HADHA: variants seen among roughly 807,000 people sequenced by gnomAD.
HADHA encodes trifunctional enzyme subunit alpha, mitochondrial.
A neutral mutation model predicts 91.3 loss-of-function variants in HADHA; 59 were observed. The observed-to-expected ratio is 0.65, with a 90% CI of 0.52 to 0.80. The LOEUF (loss-of-function observed/expected upper bound fraction) is 0.80. Among genes scored for constraint, HADHA ranks in the 30% least tolerant of loss-of-function variants. HADHA has a pLI of 0.00. For synonymous variants in HADHA, 320 were observed against 338.9 expected, an observed-to-expected ratio of 0.94 and a Z score of 0.61; for missense variants, 800 against 927.6, an observed-to-expected ratio of 0.86 and a Z score of 1.79.
chr2:26,212,662 A>G, intron 9 of HADHA, 36 bp from the exon 10 acceptor site: 1 of 1,412,150 alleles, frequency 7.1e-7, no homozygotes, highest in South Asian at 1.1e-5. Flanking sequence ...CAGCGTTGGA[A>G]TAGATTGGCG....
At chr2:26,195,060 A>C (rs750836499) in intron 15 of HADHA, 32 bp downstream of exon 15, 4 of 1,593,346 alleles carry the variant, frequency 2.5e-6, no homozygotes, top group Non-Finnish European at 3.4e-6. Context: ...AACTTTTCAA[A>C]AACTCTGCAG....
chr2:26,242,583 C>G (rs1223734339), intron 1 of HADHA, among the ~76,000 whole-genome samples: 2 of 152,118 alleles, frequency 1.3e-5, no homozygotes, highest in Non-Finnish European at 2.9e-5. Context: ...TTACTGAGTG[C>G]TTACTCCATG....
At chr2:26,237,022 A>G (rs1393911520) in intron 3 of HADHA, 34 bp from the exon 4 acceptor site, 2 of 1,544,254 alleles carry the variant, frequency 1.3e-6, no homozygotes, top group Non-Finnish European at 1.8e-6. Flanking sequence ...GTAAGGGTTT[A>G]AATTTGAAGC....
At chr2:26,198,218 C>G (rs958603822) in intron 13 of HADHA, among the ~76,000 whole-genome samples, 7 of 152,178 alleles carry the variant, frequency 4.6e-5, no homozygotes, top group Non-Finnish European at 1.0e-4. Flanking sequence ...ATGCTTGTCT[C>G]ATTTTATACA....
intron 6 of HADHA, 28 bp from the exon 7 acceptor site, chr2:26,230,322 A>T (rs1232767209): frequency 2.3e-6 from 3 of 1,311,868 alleles, no homozygotes; most frequent in East Asian, 2.3e-5. Flanking sequence ...ATGAGAATAT[A>T]GGGGGAAAAA....
At position 26,195,186 on chromosome 2, in the gene HADHA, A is replaced by G. The variant is rs777137951; in HGVS notation, c.1526T>C (p.Leu509Pro). ...AGTTTTCTCGGTCGTGATAATCTCC[A>G]GCAGCTGCATCTTGTCCACGGGAGA... The part of the protein sequence containing the change: ...YFSPVDKMQL[L>P]EIITTEKTSK... Residue 509 changes from leucine to proline, a missense_variant, in exon 15 of 20, where the codon CTG becomes CCG. Coordinates refer to ENST00000380649, the MANE Select transcript of HADHA (RefSeq NM_000182.5). 6.2e-7 allele frequency: 1 copy of G among 1,612,082 alleles called. No individual in the cohort carries two copies. The highest frequency in any genetic ancestry group is 1.1e-5 in the South Asian group (1 of 91,018).
chr2:26,200,778 A>T (rs1669810324), intron 13 of HADHA, among the ~76,000 whole-genome samples: 2 of 150,934 alleles, frequency 1.3e-5, no homozygotes, highest in Non-Finnish European at 2.9e-5. Flanking sequence ...TGTCACCCAG[A>T]CTGGAGTGCA....
At chr2:26,222,783 C>T (rs1670404146) in intron 7 of HADHA, among the ~76,000 whole-genome samples, 2 of 152,234 alleles carry the variant, frequency 1.3e-5, no homozygotes, top group South Asian at 2.1e-4. Context: ...GCCATGCTCA[C>T]GAAACACTGA....
chr2:26,234,313 T>C lies in HADHA; in HGVS notation c.357A>G (p.Leu119=). The C allele has an allele frequency of 6.2e-7, 1 of 1,613,292 alleles. No individual in the cohort carries two copies. The highest frequency in any genetic ancestry group is 8.5e-7 in the Non-Finnish European group (1 of 1,179,180). ...CAACTATTCTCTGTGCTTCTTGTGA[T>C]AGCTGTGTTACTTCTTGAAGGGTCT... The part of the protein sequence containing the change: ...ACKTLQEVTQ[L]SQEAQRIVEK... Residue 119 remains leucine (L), a synonymous_variant, in exon 5 of 20, where the codon CTA becomes CTG. Transcript: ENST00000380649.
At chr2:26,236,376 T>TAC (rs1368186024) in intron 4 of HADHA, among the ~76,000 whole-genome samples, 7 of 127,768 alleles carry the variant, frequency 5.5e-5, no homozygotes, top group South Asian at 2.6e-4. Flanking sequence ...TATATATATA[T>TAC]ACTCTGTGTG....
At chr2:26,241,180 C>CA (rs1160261086) in intron 1 of HADHA, among the ~76,000 whole-genome samples, 1 of 152,160 alleles carries the variant, frequency 6.6e-6, no homozygotes, top group Non-Finnish European at 1.5e-5. Context: ...CCTCATAAGA[C>CA]TACAGTCAGC....
Position 26,234,232 on chromosome 2 carries a change from C to A in HADHA, c.438G>T (p.Leu146=). ...ATATCTATACCTCAAGTCCTCCTCCCAGGCAGGATCCATTGATGGCAGCCA... is the reference window on the plus strand; with the variant it reads ...ATATCTATACCTCAAGTCCTCCTCCAAGGCAGGATCCATTGATGGCAGCCA... ...PIVAAINGSC[L]GGGLEVAISC... The change falls in exon 5 of 20, where the codon CTG becomes CTT. Residue 146 remains leucine (L), a synonymous_variant. Transcript: ENST00000380649. The A allele has an allele frequency of 2.5e-6, 4 of 1,613,960 alleles. No homozygotes were observed. Among genetic ancestry groups the A allele is most frequent in the South Asian group, 1.1e-5 (1 of 91,078 alleles).
intron 1 of HADHA, among the ~76,000 whole-genome samples, chr2:26,241,191 G>A (rs12185726): frequency 0.6 from 91,824 of 152,062 alleles, 29,394 homozygotes; most frequent in Non-Finnish European, 0.72. Context: ...TACAGTCAGC[G>A]AAGAGAGCTG....
intron 6 of HADHA, among the ~76,000 whole-genome samples, chr2:26,231,826 G>A (rs761350956): frequency 1.3e-5 from 2 of 151,890 alleles, no homozygotes; most frequent in African/African-American, 2.4e-5. Flanking sequence ...AAAATTAGCT[G>A]GGTGCAGTGG....
chr2:26,219,006 C>CAA (rs371567909), intron 7 of HADHA, among the ~76,000 whole-genome samples: 3,885 of 102,422 alleles, frequency 0.038, 485 homozygotes, highest in African/African-American at 0.1. Flanking sequence ...GACTCCGTCT[C>CAA]AAAAAAAAAA....
chr2:26,193,774 T>C lies in HADHA; in HGVS notation c.1690-2A>G, dbSNP rs1057516217. 1.2e-6 allele frequency: 2 copies of C among 1,613,674 alleles called. No homozygotes were observed. Among genetic ancestry groups the C allele is most frequent in the African/African-American group, 2.7e-5 (2 of 74,914 alleles). On this transcript the variant is annotated splice_acceptor_variant, in intron 16 of 19. Transcript: ENST00000380649. LOFTEE classifies it high-confidence loss of function. ...CAGCTTCTTCGGGTCAACTCCTTCCTGAACAGGAAGCGATGCAGGGACCTC... is the reference window on the plus strand; with the variant it reads ...CAGCTTCTTCGGGTCAACTCCTTCCCGAACAGGAAGCGATGCAGGGACCTC...
chr2:26,233,514 T>A (rs996242417), intron 5 of HADHA, among the ~76,000 whole-genome samples: 7 of 152,180 alleles, frequency 4.6e-5, no homozygotes, highest in African/African-American at 1.7e-4. Context: ...AGTAAGCATC[T>A]CTTCTCTCAA....
chr2:26,193,903 C>G (rs1669585937), intron 16 of HADHA, 131 bp from the exon 17 acceptor site: 1 of 716,508 alleles, frequency 1.4e-6, no homozygotes, highest in Non-Finnish European at 2.5e-6. Flanking sequence ...AGGCCCAGGA[C>G]TGGTGCTATT....
At chr2:26,202,554 A>T (rs1669871757) in intron 12 of HADHA, among the ~76,000 whole-genome samples, 1 of 152,328 alleles carries the variant, frequency 6.6e-6, no homozygotes, top group African/African-American at 2.4e-5. Context: ...AAGCCTAACC[A>T]ACATGGTGAA....
Sources: gnomAD v4.1 joint callset for allele counts (sites outside exome capture counted in the v4.1 genomes callset) on GRCh38, gnomAD v4.1.1 for gene constraint, MANE v1.5 for transcripts, NCBI Gene and HGNC (gene_info 2026-07-23, HGNC 2026-07-21) for gene names.